Variants in NSRP1 observed in about 807,000 individuals in gnomAD.
The protein encoded by NSRP1 is nuclear speckle splicing regulatory protein 1, also known as coiled-coil domain containing 55.
NSRP1 carries 24 observed loss-of-function variants against 54.7 expected under a neutral mutation model. That is an observed-to-expected ratio of 0.44 (90% CI 0.32 to 0.62). NSRP1 has a LOEUF of 0.62. Among genes scored for constraint, NSRP1 ranks in the 20% least tolerant of loss-of-function variants. The pLI is 0.06. For synonymous variants in NSRP1, 210 were observed against 213.8 expected (o/e 0.98, Z 0.15); for missense variants, 596 against 651.2 (o/e 0.92, Z 0.92).
At chr17:30,157,837 A>C (rs1415703666) in intron 2 of NSRP1, among the ~76,000 whole-genome samples, 1 of 152,170 alleles carries the variant, frequency 6.6e-6, no homozygotes, top group African/African-American at 2.4e-5. Context: ...TGCAAATGAC[A>C]TTATTTCATT....
intron 2 of NSRP1, among the ~76,000 whole-genome samples, chr17:30,171,303 CTTTTTTTTTT>C (rs34039932): frequency 9.2e-6 from 1 of 108,368 alleles, no homozygotes; most frequent in South Asian, 3.1e-4. Flanking sequence ...TTGTAATTGT[CTTTTTTTTTT>C]TTTTTTTTTT....
intron 2 of NSRP1, chr17:30,125,787 A>G (rs2071644408): frequency 6.6e-6 from 1 of 152,204 alleles, no homozygotes; most frequent in African/African-American, 2.4e-5. Flanking sequence ...GCCTCAAGGG[A>G]TCTGCCTGCC....
chr17:30,170,975 A>T (rs1477352812), intron 2 of NSRP1, among the ~76,000 whole-genome samples: 1 of 152,152 alleles, frequency 6.6e-6, no homozygotes, highest in Non-Finnish European at 1.5e-5. Flanking sequence ...CCATTCTAAC[A>T]GGTGTGAGGT....
intron 2 of NSRP1, among the ~76,000 whole-genome samples, chr17:30,164,860 TC>T (rs1276388587): frequency 6.6e-6 from 1 of 152,102 alleles, no homozygotes; most frequent in Non-Finnish European, 1.5e-5. Context: ...TGCAAACTGG[TC>T]CTCAGGCATA....
At chr17:30,127,731 T>A in intron 2 of NSRP1, 1 of 342,604 alleles carries the variant, frequency 2.9e-6, no homozygotes, top group Non-Finnish European at 5.2e-6. Flanking sequence ...TGCTTTTGGA[T>A]AAAGAGACAA....
intron 2 of NSRP1, among the ~76,000 whole-genome samples, chr17:30,154,930 C>G (rs533208624): frequency 6.6e-6 from 1 of 152,076 alleles, no homozygotes; most frequent in South Asian, 2.1e-4. Flanking sequence ...GCCTGTACTT[C>G]CTTTATTTTC....
intron 2 of NSRP1, among the ~76,000 whole-genome samples, chr17:30,165,579 G>C (rs1904701775): frequency 6.6e-6 from 1 of 152,174 alleles, no homozygotes; most frequent in Admixed American, 6.5e-5. Context: ...CTTGCCATTT[G>C]ATTATAGCAG....
Position 30,125,465 on chromosome 17 carries a change from G to A in NSRP1, c.114+7292G>A, listed in dbSNP as rs544665326. ...TCCAGCAGAGGGAGCCCTAGCACAT[G>A]AATTGTTTTCATTTTGTGCTTGCAT... On this transcript the variant is annotated intron_variant, in intron 2 of 6. Transcript: ENST00000247026. Among the ~76,000 whole-genome samples the A allele has an allele frequency of 2.6e-5, 4 of 152,288 alleles. No individual in the cohort carries two copies. In the South Asian group the frequency reaches 6.2e-4, roughly 24 times the overall value.
chr17:30,117,173 T>C, intron 1 of NSRP1: 1 of 699,184 alleles, frequency 1.4e-6, no homozygotes. Flanking sequence ...TAACCCGCGC[T>C]TGAGTTTCTC....
intron 2 of NSRP1, among the ~76,000 whole-genome samples, chr17:30,139,080 G>C (rs1021711510): frequency 6.6e-6 from 1 of 151,262 alleles, no homozygotes; most frequent in African/African-American, 2.5e-5. Context: ...ACCATGCCTA[G>C]CTAATATTTT....
chr17:30,134,997 G>GATATAT (rs201171353), intron 2 of NSRP1, among the ~76,000 whole-genome samples: 2 of 150,608 alleles, frequency 1.3e-5, no homozygotes, highest in South Asian at 4.2e-4. Flanking sequence ...CCATTGTCCG[G>GATATAT]ATATATATAT....
At chr17:30,171,981 CT>C (rs1567804408) in intron 2 of NSRP1, among the ~76,000 whole-genome samples, 209 of 96,402 alleles carry the variant, frequency 2.2e-3, no homozygotes, top group African/African-American at 5.2e-3. Context: ...CACTCCCTCT[CT>C]CTCTCTCTCT....
chr17:30,158,189 T>G (rs1469669026), intron 2 of NSRP1, among the ~76,000 whole-genome samples: 1 of 152,180 alleles, frequency 6.6e-6, no homozygotes, highest in Non-Finnish European at 1.5e-5. Context: ...TATCTTATTA[T>G]GGTTTGGATT....
intron 2 of NSRP1, among the ~76,000 whole-genome samples, chr17:30,162,879 C>T (rs1428654070): frequency 6.6e-6 from 1 of 151,490 alleles, no homozygotes; most frequent in African/African-American, 2.4e-5. Flanking sequence ...TAATACAGAC[C>T]TAATTCCCTT....
intron 6 of NSRP1, among the ~76,000 whole-genome samples, 192 bp from the exon 7 acceptor site, chr17:30,184,423 G>A (rs1905429146): frequency 6.6e-6 from 1 of 152,148 alleles, no homozygotes; most frequent in Admixed American, 6.5e-5. Flanking sequence ...AAAATATTCT[G>A]AATGGTATGA....
At position 30,184,706 on chromosome 17, in the gene NSRP1, G is replaced by A. The variant is rs370384526; in HGVS notation, c.709G>A (p.Asp237Asn). ...ACAAGAGAAATGCATTCTTCAAACT[G>A]ATGTGAAAGTAGAGGAAAACCCAGA... ...IPQEKCILQT[D>N]VKVEENPDAD... The change falls in exon 7 of 7, where the codon GAT (aspartate) becomes AAT (asparagine). Residue 237 changes from aspartate to asparagine, a missense_variant. By Grantham distance (23) the Asp-to-Asn change is conservative. Transcript: ENST00000247026. 5 of 1,613,838 alleles carry A rather than the reference G, an allele frequency of 3.1e-6. No individual in the cohort carries two copies. Among genetic ancestry groups the A allele is most frequent in the Admixed American group, 3.3e-5 (2 of 59,980 alleles).
intron 2 of NSRP1, chr17:30,144,722 T>C (rs1285148300): frequency 6.6e-6 from 1 of 152,348 alleles, no homozygotes; most frequent in East Asian, 1.9e-4. Flanking sequence ...AGAACTGTTA[T>C]GCCTATGCAT....
At chr17:30,117,277 T>C in intron 1 of NSRP1, 2 of 589,702 alleles carry the variant, frequency 3.4e-6, no homozygotes, top group Non-Finnish European at 3.0e-6. Context: ...CAAGTCCTGA[T>C]TCCCGCCCTT....
intron 2 of NSRP1, among the ~76,000 whole-genome samples, chr17:30,133,976 A>G (rs2071725678): frequency 6.6e-6 from 1 of 152,220 alleles, no homozygotes; most frequent in African/African-American, 2.4e-5. Context: ...CTCGCCTTTC[A>G]GCATGCCTTC....
Sources: gnomAD v4.1 joint callset for allele counts (sites outside exome capture counted in the v4.1 genomes callset) on GRCh38, gnomAD v4.1.1 for gene constraint, MANE v1.5 for transcripts, NCBI Gene and HGNC (gene_info 2026-07-23, HGNC 2026-07-21) for gene names.